Variants in AOX1 observed in about 807,000 individuals in gnomAD.
AOX1 encodes the protein aldehyde oxidase 1, also known as aldehyde oxidase.
In AOX1, 153 loss-of-function variants were observed where a neutral mutation model predicts 169.5. The ratio of observed to expected loss-of-function variants is 0.90; its 90% confidence interval spans 0.79 to 1.03. AOX1 has a LOEUF of 1.03. Among genes scored for constraint, AOX1 ranks in the 50% least tolerant of loss-of-function variants. AOX1 has a pLI of 0.00. For missense variants in AOX1, 1,656 were observed against 1,663.9 expected (o/e 1.00, Z 0.08); for synonymous variants, 562 against 581.9 (o/e 0.97, Z 0.49).
rs114475847 is a variant in AOX1 at position 200,644,435 on chromosome 2, C to T, written c.2847+1634C>T. 4.8e-3 allele frequency among the ~76,000 whole-genome samples: 729 copies of T among 152,286 alleles called. 5 individuals carry two copies. The highest frequency in any genetic ancestry group is 0.017 in the African/African-American group (692 of 41,570). ...GTGCCTATTTTTATACACTACTACACCATTTTGTTGACTATGGCCTTATAG... is the reference window on the plus strand; with the variant it reads ...GTGCCTATTTTTATACACTACTACATCATTTTGTTGACTATGGCCTTATAG... On this transcript the variant is annotated intron_variant, in intron 25 of 34. Coordinates refer to ENST00000374700, the MANE Select transcript of AOX1 (RefSeq NM_001159.4).
chr2:200,659,146 ACT>A lies in AOX1; in HGVS notation c.3172-12_3172-11del, dbSNP rs113893586. ...GACTAATCAAAGTGTTTAAAAGGAA[ACT>A]CTCTCTTAAAATTCAGGTGGTCAGC... On this transcript the variant is annotated splice_polypyrimidine_tract_variant and intron_variant, in intron 27 of 34. Coordinates refer to ENST00000374700, the MANE Select transcript of AOX1 (RefSeq NM_001159.4). The A allele has an allele frequency of 3.1e-6, 5 of 1,611,900 alleles. No individual in the cohort carries two copies. Among genetic ancestry groups the A allele is most frequent in the Non-Finnish European group, 2.5e-6 (3 of 1,178,884 alleles).
intron 5 of AOX1, among the ~76,000 whole-genome samples, chr2:200,600,942 C>A (rs1559232635): frequency 6.6e-6 from 1 of 151,976 alleles, no homozygotes; most frequent in Non-Finnish European, 1.5e-5. Context: ...CACCGGATCG[C>A]ACTGTGGGAG....
At chr2:200,637,152 C>T (rs779325540) in intron 22 of AOX1, 108 bp downstream of exon 22, 13 of 1,344,216 alleles carry the variant, frequency 9.7e-6, no homozygotes, top group Middle Eastern at 1.9e-4. Flanking sequence ...ATCACATATA[C>T]GATACAAACA....
chr2:200,645,696 G>T (rs12617551), intron 25 of AOX1, among the ~76,000 whole-genome samples: 3 of 151,876 alleles, frequency 2.0e-5, no homozygotes, highest in Admixed American at 6.6e-5. Flanking sequence ...AATCCTTCTG[G>T]TCCTGGACTT....
In AOX1 at chr2:200,668,714, A is replaced by G. The variant is rs1338522100; in HGVS notation, c.3709A>G (p.Lys1237Glu). 6.2e-7 allele frequency: 1 copy of G among 1,614,210 alleles called. No homozygotes were observed. The highest frequency in any genetic ancestry group is 1.6e-4 in the Middle Eastern group (1 of 6,062). The change falls in exon 33 of 35, where the codon AAA becomes GAA. Residue 1237 changes from lysine to glutamate, a missense_variant. Transcript: ENST00000374700. ...ILHTRGPDQY[K>E]IPAICDMPTE... ...GCACACTCGTGGTCCAGACCAATAT[A>G]AAATCCCTGCCATCTGTGACATGCC...
At chr2:200,589,546 A>C (rs1047196254) in intron 1 of AOX1, among the ~76,000 whole-genome samples, 38 of 152,206 alleles carry the variant, frequency 2.5e-4, no homozygotes, top group African/African-American at 8.9e-4. Flanking sequence ...CTCTTTTGCA[A>C]AATGGAGCTA....
At chr2:200,619,682 GAGC>G (rs1248931216) in intron 16 of AOX1, among the ~76,000 whole-genome samples, 38 of 152,306 alleles carry the variant, frequency 2.5e-4, no homozygotes, top group Admixed American at 3.9e-4. Flanking sequence ...GGTATTTACA[GAGC>G]CAACAGCAAG....
In AOX1 at chr2:200,651,071, C is replaced by T. The variant is rs2035571328; in HGVS notation, c.2945C>T (p.Ala982Val). The change falls in exon 26 of 35, where the codon GCC (alanine) becomes GTC (valine). Residue 982 changes from alanine to valine, a missense_variant. Physicochemically the swap from Ala to Val is moderately conservative, Grantham distance 64. Coordinates refer to ENST00000374700, the MANE Select transcript of AOX1 (RefSeq NM_001159.4). The part of the protein sequence containing the change: ...NLIQCWRECM[A>V]MSSYSLRKVA... Reference sequence around the variant, plus strand: ...ATCCAGTGTTGGAGAGAATGTATGGCCATGTCTTCCTACTCCTTGAGGAAA... The same window carrying T: ...ATCCAGTGTTGGAGAGAATGTATGGTCATGTCTTCCTACTCCTTGAGGAAA... The T allele has an allele frequency of 1.2e-6, 2 of 1,614,034 alleles. No homozygotes were observed. The highest frequency in any genetic ancestry group is 1.7e-6 in the Non-Finnish European group (2 of 1,180,010).
At chr2:200,663,570 ACACTCT>A (rs994976205) in intron 31 of AOX1, among the ~76,000 whole-genome samples, 1 of 123,642 alleles carries the variant, frequency 8.1e-6, no homozygotes, top group Non-Finnish European at 1.7e-5. Context: ...ACACACACAC[ACACTCT>A]CTCTCTCTCT....
intron 16 of AOX1, among the ~76,000 whole-genome samples, chr2:200,617,945 C>G (rs1055316557): frequency 1.1e-4 from 16 of 152,240 alleles, no homozygotes; most frequent in Non-Finnish European, 2.2e-4. Context: ...ATCACTATCT[C>G]AGCTCCTCGA....
chr2:200,597,326 T>C (rs2034303287), intron 3 of AOX1, 71 bp from the exon 4 acceptor site: 2 of 1,100,032 alleles, frequency 1.8e-6, no homozygotes, highest in African/African-American at 3.1e-5. Context: ...AGAAGCTCAG[T>C]GAATGCCTGG....
At position 200,651,274 on chromosome 2, in the gene AOX1, T is replaced by G. The variant is rs542083390; in HGVS notation, c.3075+73T>G. The G allele has an allele frequency of 8.6e-5, 116 of 1,355,396 alleles. 2 individuals carry two copies. The South Asian group carries it at 1.3e-3, about 15-fold the overall frequency. 84.0% of individuals were successfully genotyped at this position (1,355,396 alleles called of 1,614,324 possible). A position where few individuals can be genotyped will look rare whatever the true frequency, so the allele number is the denominator to read the frequency against. ...ACAAAGCAAGAGGTGTTGAGGAAAC[T>G]TCTCCTTAAGTCATATTAGCCATAT... On this transcript the variant is annotated intron_variant, in intron 26 of 34. Transcript: ENST00000374700.
At chr2:200,659,599 A>T (rs904921700) in intron 28 of AOX1, among the ~76,000 whole-genome samples, 1 of 152,202 alleles carries the variant, frequency 6.6e-6, no homozygotes, top group African/African-American at 2.4e-5. Flanking sequence ...CCCAGGGCCG[A>T]TGCAGGACTT....
intron 1 of AOX1, among the ~76,000 whole-genome samples, chr2:200,586,952 AAGG>A (rs2034049443): frequency 6.6e-6 from 1 of 152,132 alleles, no homozygotes; most frequent in Non-Finnish European, 1.5e-5. Context: ...CATTACTCTG[AAGG>A]AGGAAACTGA....
At chr2:200,600,845 G>A (rs888283912) in intron 5 of AOX1, among the ~76,000 whole-genome samples, 1 of 152,114 alleles carries the variant, frequency 6.6e-6, no homozygotes, top group African/African-American at 2.4e-5. Context: ...TGTGGGTAAT[G>A]AAGATTCCTG....
At chr2:200,655,223 C>T (rs1402620691) in intron 26 of AOX1, among the ~76,000 whole-genome samples, 1 of 152,172 alleles carries the variant, frequency 6.6e-6, no homozygotes, top group African/African-American at 2.4e-5. Flanking sequence ...CGAGAGATTC[C>T]TTAGGACGTG....
chr2:200,663,218 A>G (rs1020152715), intron 31 of AOX1, among the ~76,000 whole-genome samples: 7 of 152,224 alleles, frequency 4.6e-5, no homozygotes, highest in Admixed American at 2.0e-4. Context: ...GAAAGAAACT[A>G]CATGAAGAAA....
chr2:200,645,269 GT>G (rs1187061261), intron 25 of AOX1, among the ~76,000 whole-genome samples: 1 of 152,116 alleles, frequency 6.6e-6, no homozygotes, highest in African/African-American at 2.4e-5. Flanking sequence ...TTTGCTGAGA[GT>G]TTTAATCATA....
At chr2:200,666,017 A>T (rs35778058) in intron 31 of AOX1, among the ~76,000 whole-genome samples, 72,509 of 152,056 alleles carry the variant, frequency 0.48, 18,225 homozygotes, top group East Asian at 0.8. Flanking sequence ...TAATTATAAG[A>T]ACAATCTGTT....
Sources: allele counts gnomAD v4.1 joint callset (sites outside exome capture counted in the v4.1 genomes callset), GRCh38; gene constraint gnomAD v4.1.1; transcripts MANE v1.5; gene names NCBI Gene and HGNC (gene_info 2026-07-23, HGNC 2026-07-21).